The following SLC2A13 variants were observed in gnomAD, a reference collection of about 807,000 sequenced individuals.
SLC2A13 encodes the protein solute carrier family 2 member 13.
SLC2A13 carries 32 observed loss-of-function variants against 64.4 expected under a neutral mutation model. The observed-to-expected ratio is 0.50, with a 90% confidence interval of 0.37 to 0.67. The LOEUF (loss-of-function observed/expected upper bound fraction) is 0.67, where lower values mean the gene tolerates loss of function less well. Ranked by LOEUF, SLC2A13 falls within the 30% of genes least tolerant of loss-of-function variation. SLC2A13 has a pLI of 0.00. For synonymous variants in SLC2A13, 338 were observed against 327.1 expected (o/e 1.03, Z -0.36); for missense variants, 743 against 829.2 (o/e 0.90, Z 1.28).
At chr12:40,000,288 C>A (rs956341629) in intron 3 of SLC2A13, among the ~76,000 whole-genome samples, 6 of 151,576 alleles carry the variant, frequency 4.0e-5, no homozygotes, top group Admixed American at 3.3e-4. Flanking sequence ...AAACCATTAG[C>A]TCTACATTAA....
In SLC2A13 at chr12:39,950,965, A is replaced by G. The variant is rs146808532; in HGVS notation, c.1034+292T>C. ...AACCAGCATCAAGAAATGGCTTAGA[A>G]AAAATGACACATTTAAGCTCAGAAT... On this transcript the variant is annotated intron_variant, in intron 4 of 9. Coordinates refer to ENST00000280871, the MANE Select transcript of SLC2A13 (RefSeq NM_052885.4). 2.7e-3 allele frequency: 1,027 copies of G among 379,072 alleles called. 7 individuals carry two copies. The highest frequency in any genetic ancestry group is 0.018 in the South Asian group (166 of 9,450). 23.5% of individuals were successfully genotyped at this position (379,072 alleles called of 1,614,324 possible).
intron 3 of SLC2A13, among the ~76,000 whole-genome samples, chr12:40,018,728 C>G (rs902947460): frequency 6.6e-6 from 1 of 152,154 alleles, no homozygotes; most frequent in African/African-American, 2.4e-5. Flanking sequence ...ATTGCATCTT[C>G]TTTGCAGGGT....
At chr12:39,998,134 T>C (rs1038814491) in intron 3 of SLC2A13, among the ~76,000 whole-genome samples, 2 of 152,136 alleles carry the variant, frequency 1.3e-5, no homozygotes, top group Non-Finnish European at 2.9e-5. Flanking sequence ...CACCCATCAA[T>C]CAGCGAGTGG....
chr12:40,036,857 G>T (rs930075672), intron 2 of SLC2A13, among the ~76,000 whole-genome samples: 16 of 152,250 alleles, frequency 1.1e-4, no homozygotes, highest in African/African-American at 3.8e-4. Flanking sequence ...ATAAGGGAAA[G>T]CATCATTTTT....
chr12:39,794,143 A>C lies in SLC2A13; in HGVS notation c.1446-29285T>G, dbSNP rs1008833159. 1.3e-4 allele frequency among the ~76,000 whole-genome samples: 20 copies of C among 151,416 alleles called. 1 individual carries two copies. The East Asian group carries it at 1.9e-3, about 15-fold the overall frequency. ...AATTGCAAAAAAAAAAAAAAAAAAA[A>C]AAAAAACCAAAACAAAACCTCCCTT... On this transcript the variant is annotated intron_variant, in intron 7 of 9. Coordinates refer to ENST00000280871, the MANE Select transcript of SLC2A13 (RefSeq NM_052885.4).
chr12:39,851,323 C>A (rs1476919556), intron 6 of SLC2A13, among the ~76,000 whole-genome samples: 1 of 151,996 alleles, frequency 6.6e-6, no homozygotes, highest in Non-Finnish European at 1.5e-5. Context: ...TTTGTGAAGA[C>A]TAATGAGAAT....
chr12:40,089,934 G>A (rs577602738), intron 1 of SLC2A13, among the ~76,000 whole-genome samples: 6 of 152,150 alleles, frequency 3.9e-5, no homozygotes, highest in African/African-American at 1.4e-4. Context: ...TTGCACCCCA[G>A]TAGAGACCTT....
At chr12:40,004,089 A>C (rs1300578369) in intron 3 of SLC2A13, among the ~76,000 whole-genome samples, 1 of 152,256 alleles carries the variant, frequency 6.6e-6, no homozygotes, top group Non-Finnish European at 1.5e-5. Flanking sequence ...AACTATTTGC[A>C]TAACATTTAC....
At chr12:39,902,413 A>C (rs1285369120) in intron 4 of SLC2A13, among the ~76,000 whole-genome samples, 2 of 152,080 alleles carry the variant, frequency 1.3e-5, no homozygotes, top group African/African-American at 2.4e-5. Context: ...ACTATTTTTA[A>C]ACTTGAAATG....
intron 4 of SLC2A13, among the ~76,000 whole-genome samples, chr12:39,914,482 C>A (rs1413183227): frequency 2.0e-5 from 3 of 151,928 alleles, no homozygotes; most frequent in Non-Finnish European, 4.4e-5. Context: ...CGGATTGTAT[C>A]ATACACAAGG....
At chr12:40,099,510 T>C (rs888679574) in intron 1 of SLC2A13, among the ~76,000 whole-genome samples, 2 of 152,218 alleles carry the variant, frequency 1.3e-5, no homozygotes, top group Non-Finnish European at 2.9e-5. Context: ...TAACTTTGAG[T>C]GTGTTCTTAC....
chr12:39,901,984 C>T (rs1262912909), intron 4 of SLC2A13, among the ~76,000 whole-genome samples: 17 of 151,974 alleles, frequency 1.1e-4, no homozygotes, highest in Admixed American at 5.9e-4. Context: ...AAATGTGGCA[C>T]ATATACACCA....
intron 4 of SLC2A13, among the ~76,000 whole-genome samples, chr12:39,912,808 C>T (rs931369486): frequency 2.0e-5 from 3 of 152,004 alleles, no homozygotes; most frequent in Admixed American, 6.6e-5. Context: ...CTTGTGTAAA[C>T]GTTAGTAGGC....
At chr12:40,046,390 T>C (rs1166111145) in intron 2 of SLC2A13, among the ~76,000 whole-genome samples, 1 of 152,212 alleles carries the variant, frequency 6.6e-6, no homozygotes, top group African/African-American at 2.4e-5. Context: ...TGAGAAAAGA[T>C]TTCTTAATTG....
chr12:39,795,390 A>T (rs1382338314), intron 7 of SLC2A13, among the ~76,000 whole-genome samples: 1 of 152,016 alleles, frequency 6.6e-6, no homozygotes. Flanking sequence ...AAATCTGCTT[A>T]TTGTCTGCTC....
chr12:40,025,899 A>T (rs1947796000), intron 3 of SLC2A13, among the ~76,000 whole-genome samples: 2 of 152,216 alleles, frequency 1.3e-5, no homozygotes, highest in African/African-American at 4.8e-5. Flanking sequence ...TGAATGAAGC[A>T]TGATGGAGGG....
intron 6 of SLC2A13, among the ~76,000 whole-genome samples, chr12:39,844,856 C>G (rs1450957848): frequency 6.6e-6 from 1 of 151,860 alleles, no homozygotes; most frequent in African/African-American, 2.4e-5. Context: ...TTAATTTTTG[C>G]TTGAAATATT....
At chr12:40,086,540 A>C (rs1277222169) in intron 1 of SLC2A13, among the ~76,000 whole-genome samples, 18 of 152,144 alleles carry the variant, frequency 1.2e-4, no homozygotes, top group Admixed American at 1.1e-3. Context: ...TTTCATCTCT[A>C]TATATAAGAA....
At chr12:39,901,191 C>G (rs1945095068) in intron 4 of SLC2A13, among the ~76,000 whole-genome samples, 1 of 152,118 alleles carries the variant, frequency 6.6e-6, no homozygotes, top group African/African-American at 2.4e-5. Context: ...GAAATTAATT[C>G]AAGATGGATT....
Sources: gnomAD v4.1 joint callset for allele counts (sites outside exome capture counted in the v4.1 genomes callset) on GRCh38, gnomAD v4.1.1 for gene constraint, MANE v1.5 for transcripts, NCBI Gene and HGNC (gene_info 2026-07-23, HGNC 2026-07-21) for gene names.